The following PDE10A variants were observed in gnomAD, a reference collection of about 807,000 sequenced individuals.
The protein encoded by PDE10A is phosphodiesterase 10A, also known as cAMP and cAMP-inhibited cGMP 3',5'-cyclic phosphodiesterase 10A.
In PDE10A, 39 loss-of-function variants were observed where a neutral mutation model predicts 97.7. The observed-to-expected ratio is 0.40, with a 90% CI of 0.31 to 0.52. The LOEUF (loss-of-function observed/expected upper bound fraction) is 0.52. Ranked by LOEUF, PDE10A falls within the 20% of genes least tolerant of loss-of-function variation. The probability of loss-of-function intolerance (pLI) is 0.56; values close to 1 mark genes in which losing one functional copy is unlikely to be tolerated. For missense variants in PDE10A, 731 were observed against 1,047.8 expected (o/e 0.70, Z 4.17); for synonymous variants, 371 against 376.8 (o/e 0.98, Z 0.18).
At chr6:165,658,590 C>T (rs1478839434) in intron 1 of PDE10A, among the ~76,000 whole-genome samples, 1 of 152,232 alleles carries the variant, frequency 6.6e-6, no homozygotes, top group African/African-American at 2.4e-5. Context: ...CGTGTTACAT[C>T]AGGGCAGCCA....
intron 18 of PDE10A, among the ~76,000 whole-genome samples, chr6:165,367,259 G>A (rs1783836898): frequency 6.6e-6 from 1 of 151,726 alleles, no homozygotes. Flanking sequence ...GTGTGTGTGT[G>A]TGTGCGTGCA....
chr6:165,332,199 C>G lies in PDE10A; in HGVS notation c.*826G>C, dbSNP rs1781379938. The G allele has an allele frequency of 6.6e-6, 1 of 152,072 alleles. No homozygotes were observed. Among genetic ancestry groups the G allele is most frequent in the South Asian group, 2.1e-4 (1 of 4,818 alleles). 9.4% of individuals were successfully genotyped at this position (152,072 alleles called of 1,614,324 possible). ...CCATTAAAAAAATTACAATGCCGAG[C>G]TTTTATTTTGTTCTTTATGCAAAGG... is the stretch of plus-strand genomic sequence containing the variant. On this transcript the variant is annotated 3_prime_UTR_variant, in exon 22 of 22. Coordinates refer to ENST00000539869, the MANE Select transcript of PDE10A (RefSeq NM_001385079.1).
chr6:165,401,594 T>C (rs1386448280), intron 13 of PDE10A, among the ~76,000 whole-genome samples: 1 of 152,170 alleles, frequency 6.6e-6, no homozygotes, highest in South Asian at 2.1e-4. Flanking sequence ...TCTGAAATCA[T>C]CTTCATAACC....
At chr6:165,383,416 C>A (rs572040740) in intron 17 of PDE10A, among the ~76,000 whole-genome samples, 1 of 152,154 alleles carries the variant, frequency 6.6e-6, no homozygotes, top group South Asian at 2.1e-4. Flanking sequence ...AGCTCACCTA[C>A]GTTCTTGGAT....
chr6:165,761,946 A>C (rs1157510652), intron 1 of PDE10A, among the ~76,000 whole-genome samples: 1 of 152,218 alleles, frequency 6.6e-6, no homozygotes, highest in Non-Finnish European at 1.5e-5. Context: ...CATAGAACTG[A>C]TGTTTATGGT....
intron 18 of PDE10A, among the ~76,000 whole-genome samples, chr6:165,375,391 G>A (rs1784551845): frequency 6.6e-6 from 1 of 152,164 alleles, no homozygotes. Flanking sequence ...ATTCCCTTAA[G>A]CCAAAAGCTA....
At chr6:165,721,708 A>G (rs77892365) in intron 1 of PDE10A, among the ~76,000 whole-genome samples, 3,980 of 152,338 alleles carry the variant, frequency 0.026, 161 homozygotes, top group African/African-American at 0.091. Flanking sequence ...CTCTGCACCC[A>G]GTAATTGCTC....
intron 1 of PDE10A, among the ~76,000 whole-genome samples, chr6:165,960,606 A>C (rs1234406869): frequency 2.0e-5 from 3 of 152,340 alleles, no homozygotes; most frequent in Admixed American, 2.0e-4. Flanking sequence ...GACAGCTAGA[A>C]AGGGTTGTAG....
Position 165,626,062 on chromosome 6 carries a change from G to C in PDE10A, c.865+35885C>G, listed in dbSNP as rs185760480. On this transcript the variant is annotated intron_variant, in intron 1 of 21. Coordinates refer to ENST00000539869, the MANE Select transcript of PDE10A (RefSeq NM_001385079.1). ...AACATTTAGAGATTGAGAGGATGAA[G>C]TGGGGCAGCGAAGGACAAAACCCAA... Among the ~76,000 whole-genome samples the C allele has an allele frequency of 9.8e-5, 15 of 152,312 alleles. No individual in the cohort carries two copies. In the East Asian group the frequency reaches 2.9e-3, roughly 29 times the overall value.
At chr6:165,558,250 T>C (rs1562579354) in intron 1 of PDE10A, among the ~76,000 whole-genome samples, 1 of 152,188 alleles carries the variant, frequency 6.6e-6, no homozygotes, top group African/African-American at 2.4e-5. Flanking sequence ...GTGGCACATA[T>C]ACACCATGGA....
intron 14 of PDE10A, 31 bp from the exon 15 acceptor site, chr6:165,395,295 A>G (rs1415285652): frequency 7.1e-7 from 1 of 1,408,102 alleles, no homozygotes; most frequent in Non-Finnish European, 1.0e-6. Flanking sequence ...TTTATCACTA[A>G]ACGTGATTAG....
At chr6:165,506,419 T>C (rs1375609247) in intron 2 of PDE10A, among the ~76,000 whole-genome samples, 2 of 152,142 alleles carry the variant, frequency 1.3e-5, no homozygotes, top group African/African-American at 2.4e-5. Context: ...AATATTCTCC[T>C]AAAAGAAAAA....
chr6:165,411,240 G>A (rs1249839052), intron 13 of PDE10A, among the ~76,000 whole-genome samples: 1 of 151,850 alleles, frequency 6.6e-6, no homozygotes, highest in Non-Finnish European at 1.5e-5. Flanking sequence ...CACAGTACTT[G>A]TGATGGGTTA....
chr6:165,540,153 C>A (rs1419383571), intron 2 of PDE10A, among the ~76,000 whole-genome samples: 1 of 152,112 alleles, frequency 6.6e-6, no homozygotes, highest in Non-Finnish European at 1.5e-5. Flanking sequence ...GCAGTTCATG[C>A]CTTCAAATTG....
Position 165,460,573 on chromosome 6 carries a change from T to G in PDE10A, c.1024-10211A>C, listed in dbSNP as rs1478123276. Among the ~76,000 whole-genome samples, 3 of 152,192 alleles carry G rather than the reference T, an allele frequency of 2.0e-5. 1 individual carries two copies. The East Asian group carries it at 5.8e-4, about 29-fold the overall frequency. ...ATACAGGAGCAGACATTTCCATCAT[T>G]TCTCTACAGCACTGGCCGTCCGATT... On this transcript the variant is annotated intron_variant, in intron 3 of 21. Transcript: ENST00000539869.
intron 1 of PDE10A, among the ~76,000 whole-genome samples, chr6:165,548,276 CTTTT>C (rs57134252): frequency 1.8e-4 from 19 of 105,630 alleles, no homozygotes; most frequent in Admixed American, 5.1e-4. Flanking sequence ...CTTTAAATCT[CTTTT>C]TTTTTTTTTT....
At chr6:165,911,554 T>C (rs957186066) in intron 1 of PDE10A, among the ~76,000 whole-genome samples, 1 of 152,152 alleles carries the variant, frequency 6.6e-6, no homozygotes, top group African/African-American at 2.4e-5. Flanking sequence ...CCATCTACAC[T>C]GTCTCTGGGG....
intron 13 of PDE10A, among the ~76,000 whole-genome samples, chr6:165,399,587 CACA>C (rs1786470546): frequency 6.7e-6 from 1 of 149,838 alleles, no homozygotes; most frequent in Admixed American, 6.7e-5. Context: ...CCCCCCTCCC[CACA>C]ACAGGCCCCA....
chr6:165,617,483 T>C (rs1371377118), intron 1 of PDE10A, among the ~76,000 whole-genome samples: 1 of 152,076 alleles, frequency 6.6e-6, no homozygotes, highest in Non-Finnish European at 1.5e-5. Context: ...AGCTGGGCAA[T>C]ATGAACAATT....
Sources: allele counts gnomAD v4.1 joint callset (sites outside exome capture counted in the v4.1 genomes callset), GRCh38; gene constraint gnomAD v4.1.1; transcripts MANE v1.5; gene names NCBI Gene and HGNC (gene_info 2026-07-23, HGNC 2026-07-21).